Variants in MYOF observed in about 807,000 individuals in gnomAD.
MYOF encodes the protein fer-1-like 3, myoferlin.
In MYOF, 244 loss-of-function variants were observed where a neutral mutation model predicts 284.2. The ratio of observed to expected loss-of-function variants is 0.86; its 90% CI spans 0.77 to 0.95. The LOEUF (loss-of-function observed/expected upper bound fraction) is 0.95. MYOF is among the 40% of genes least tolerant of loss of function. MYOF has a pLI of 0.00. For missense variants in MYOF, 2,496 were observed against 2,560.6 expected (o/e 0.97, Z 0.54); for synonymous variants, 904 against 919.7 (o/e 0.98, Z 0.31).
intron 25 of MYOF, among the ~76,000 whole-genome samples, chr10:93,368,750 C>G (rs1028610942): frequency 3.3e-5 from 5 of 152,152 alleles, no homozygotes; most frequent in African/African-American, 1.2e-4. Flanking sequence ...CAGATCAGAG[C>G]CACAATCCTG....
intron 23 of MYOF, 111 bp from the exon 24 acceptor site, chr10:93,373,196 G>A (rs940734299): frequency 2.6e-5 from 33 of 1,257,318 alleles, no homozygotes; most frequent in African/African-American, 7.4e-5. Context: ...GCAAAGAAAC[G>A]CTGTGGTTAG....
At position 93,482,234 on chromosome 10, in the gene MYOF, T is replaced by C. The variant is rs763557752; in HGVS notation, c.-40A>G. ...AGAAAGCAAGTTTCAGCAAACGAAG[T>C]GGAGACTAGGGCGCTGGAGCTCCGG... On this transcript the variant is annotated 5_prime_UTR_variant, in exon 1 of 54. Coordinates refer to ENST00000359263, the MANE Select transcript of MYOF (RefSeq NM_013451.4). 1.3e-6 allele frequency: 2 copies of C among 1,566,026 alleles called. No homozygotes were observed. Among genetic ancestry groups the C allele is most frequent in the African/African-American group, 1.4e-5 (1 of 73,470 alleles).
At chr10:93,338,637 T>C (rs1843725152) in intron 39 of MYOF, among the ~76,000 whole-genome samples, 1 of 152,168 alleles carries the variant, frequency 6.6e-6, no homozygotes, top group African/African-American at 2.4e-5. Context: ...CATGGTTCAG[T>C]TAGACCAGGG....
chr10:93,394,412 A>G (rs1433483384), intron 16 of MYOF, among the ~76,000 whole-genome samples: 2 of 122,764 alleles, frequency 1.6e-5, no homozygotes, highest in Non-Finnish European at 3.3e-5. Context: ...ATGTACATTT[A>G]TAATTGTACT....
intron 18 of MYOF, among the ~76,000 whole-genome samples, chr10:93,388,124 T>A (rs1218269906): frequency 1.3e-5 from 2 of 151,834 alleles, no homozygotes; most frequent in Non-Finnish European, 1.5e-5. Flanking sequence ...AAAGAGTACC[T>A]TGGGATGCTA....
intron 27 of MYOF, among the ~76,000 whole-genome samples, chr10:93,363,745 C>T (rs1029500981): frequency 6.6e-6 from 1 of 152,208 alleles, no homozygotes; most frequent in Non-Finnish European, 1.5e-5. Context: ...CCAAACTATA[C>T]CATGTTCCAA....
At chr10:93,364,130 C>T (rs1233484331) in intron 26 of MYOF, 55 bp from the exon 27 acceptor site, 5 of 1,472,428 alleles carry the variant, frequency 3.4e-6, no homozygotes, top group Non-Finnish European at 4.7e-6. Context: ...CCGGCAGCCT[C>T]GGCGATTGCC....
intron 5 of MYOF, among the ~76,000 whole-genome samples, chr10:93,411,798 G>T (rs970162368): frequency 1.3e-5 from 2 of 152,164 alleles, no homozygotes; most frequent in Admixed American, 1.3e-4. Context: ...ACCTCTCTTT[G>T]CCAAGCTCCG....
intron 3 of MYOF, among the ~76,000 whole-genome samples, chr10:93,438,110 G>A (rs569989712): frequency 6.6e-6 from 1 of 152,164 alleles, no homozygotes; most frequent in South Asian, 2.1e-4. Context: ...CCCACGTGAT[G>A]TCCTCAGCAA....
At chr10:93,394,388 C>T (rs1327713234) in intron 16 of MYOF, among the ~76,000 whole-genome samples, 2 of 150,880 alleles carry the variant, frequency 1.3e-5, no homozygotes, top group African/African-American at 4.9e-5. Context: ...AGGCATGAGC[C>T]ACTGCGCCCA....
At position 93,415,046 on chromosome 10, in the gene MYOF, G is replaced by C. The variant is rs958245089; in HGVS notation, c.434-5307C>G. On this transcript the variant is annotated intron_variant, in intron 5 of 53. Transcript: ENST00000359263. ...AGCGTGAGCCACCGCGCCTGGCTGA[G>C]AGGCCATCTTTTGTATCTTTCCAAT... Among the ~76,000 whole-genome samples the C allele has an allele frequency of 3.3e-5, 5 of 152,198 alleles. No individual in the cohort carries two copies. In the South Asian group the frequency reaches 1.0e-3, roughly 32 times the overall value.
At chr10:93,332,672 C>T (rs562361677) in intron 43 of MYOF, among the ~76,000 whole-genome samples, 54 of 151,906 alleles carry the variant, frequency 3.6e-4, no homozygotes, top group East Asian at 3.4e-3. Flanking sequence ...GGTGAAACCC[C>T]GTCTCTACTA....
intron 22 of MYOF, among the ~76,000 whole-genome samples, chr10:93,375,246 T>C (rs1308508936): frequency 6.6e-6 from 1 of 152,226 alleles, no homozygotes; most frequent in Non-Finnish European, 1.5e-5. Context: ...GGAAAGAAGA[T>C]GGAAACAGTG....
At chr10:93,377,456 A>G (rs1845886570) in intron 21 of MYOF, 27 bp from the exon 22 acceptor site, 1 of 1,487,580 alleles carries the variant, frequency 6.7e-7, no homozygotes, top group Non-Finnish European at 9.4e-7. Flanking sequence ...GAGAGGAAAT[A>G]ATTGATAATT....
intron 1 of MYOF, among the ~76,000 whole-genome samples, chr10:93,461,579 A>G (rs1194355742): frequency 6.6e-6 from 1 of 152,196 alleles, no homozygotes; most frequent in Non-Finnish European, 1.5e-5. Context: ...ATGTGGAGCC[A>G]GAAGACGAGC....
intron 19 of MYOF, among the ~76,000 whole-genome samples, chr10:93,385,544 G>A (rs973149561): frequency 3.9e-5 from 6 of 152,202 alleles, no homozygotes; most frequent in Admixed American, 1.3e-4. Flanking sequence ...GACTGCATTC[G>A]TTAAGTCCTT....
At chr10:93,460,633 G>A (rs879584194) in intron 1 of MYOF, among the ~76,000 whole-genome samples, 5 of 151,994 alleles carry the variant, frequency 3.3e-5, no homozygotes, top group Non-Finnish European at 7.4e-5. Context: ...CGGGCATGGT[G>A]GTGGACGCCT....
At chr10:93,464,159 G>C (rs1025873609) in intron 1 of MYOF, among the ~76,000 whole-genome samples, 1 of 152,160 alleles carries the variant, frequency 6.6e-6, no homozygotes, top group African/African-American at 2.4e-5. Context: ...TGGTTTCCTG[G>C]AGAAGAAATT....
At chr10:93,449,222 T>A (rs957349033) in intron 3 of MYOF, among the ~76,000 whole-genome samples, 1 of 152,254 alleles carries the variant, frequency 6.6e-6, no homozygotes, top group Non-Finnish European at 1.5e-5. Flanking sequence ...TTCAAACACA[T>A]TGATTACATG....
Sources: gnomAD v4.1 joint callset for allele counts (sites outside exome capture counted in the v4.1 genomes callset) on GRCh38, gnomAD v4.1.1 for gene constraint, MANE v1.5 for transcripts, NCBI Gene and HGNC (gene_info 2026-07-23, HGNC 2026-07-21) for gene names.